The following CLEC3A variants were observed in gnomAD, a reference collection of about 807,000 sequenced individuals.
The protein encoded by CLEC3A is C-type (calcium dependent, carbohydrate-recognition domain) lectin, superfamily member 1 (cartilage-derived).
A neutral mutation model predicts 20.4 loss-of-function variants in CLEC3A; 28 were observed. That is an observed-to-expected ratio of 1.37 (90% CI 1.02 to 1.88). The LOEUF (loss-of-function observed/expected upper bound fraction) is 1.88, where lower values mean the gene tolerates loss of function less well. Ranked by LOEUF, CLEC3A falls within the 40% of genes most tolerant of loss-of-function variation. CLEC3A has a pLI of 0.00. For missense variants in CLEC3A, 357 were observed against 240.4 expected (o/e 1.48, Z -3.21); for synonymous variants, 110 against 88.1 (o/e 1.25, Z -1.39).
intron 2 of CLEC3A, among the ~76,000 whole-genome samples, chr16:78,028,589 A>G (rs991070943): frequency 9.9e-5 from 15 of 152,222 alleles, no homozygotes; most frequent in African/African-American, 3.6e-4. Context: ...ATGGGTTAGA[A>G]CCGCAGCTTG....
At chr16:78,030,114 C>T (rs1042609591) in intron 2 of CLEC3A, among the ~76,000 whole-genome samples, 15 of 138,300 alleles carry the variant, frequency 1.1e-4, no homozygotes, top group Admixed American at 4.0e-4. Flanking sequence ...GATGGCGCCA[C>T]TGCACTCCAG....
At chr16:78,024,779 A>T (rs1224539631) in intron 1 of CLEC3A, among the ~76,000 whole-genome samples, 1 of 152,168 alleles carries the variant, frequency 6.6e-6, no homozygotes, top group Non-Finnish European at 1.5e-5. Flanking sequence ...ATTATCCACT[A>T]TTAACTATCA....
rs1039993804 is a variant in CLEC3A, at chr16:78,031,704, C to T, written c.*863C>T. 7 of 152,032 alleles carry T rather than the reference C, an allele frequency of 4.6e-5. 1 individual carries two copies. The highest frequency in any genetic ancestry group is 4.1e-4 in the South Asian group (2 of 4,820). 9.4% of individuals were successfully genotyped at this position (152,032 alleles called of 1,614,324 possible). ...ACTTACATTTCCTTTTTTACATTTT[C>T]GTATACTTATTTTTTTTAGCCATCA... On this transcript the variant is annotated 3_prime_UTR_variant, in exon 3 of 3. Coordinates refer to ENST00000299642, the MANE Select transcript of CLEC3A (RefSeq NM_005752.6).
intron 1 of CLEC3A, among the ~76,000 whole-genome samples, chr16:78,026,251 T>A (rs2029919608): frequency 6.6e-6 from 1 of 152,182 alleles, no homozygotes; most frequent in African/African-American, 2.4e-5. Context: ...AACATCTGGC[T>A]TATGAAGCAC....
At chr16:78,028,016 T>C in intron 1 of CLEC3A, 91 bp from the exon 2 acceptor site, 2 of 883,400 alleles carry the variant, frequency 2.3e-6, no homozygotes, top group South Asian at 1.4e-5. Context: ...AAAACCACTA[T>C]TGCCTTGGGT....
rs756821725 is a variant in CLEC3A, at chr16:78,031,795, T to C, written c.*954T>C. ...GCTGAAAACTGAATTTAAAGAATGCTATCTTGGAAAATTGCATACGTCTGT... is the reference window on the plus strand; with the variant it reads ...GCTGAAAACTGAATTTAAAGAATGCCATCTTGGAAAATTGCATACGTCTGT... On this transcript the variant is annotated 3_prime_UTR_variant, in exon 3 of 3. Transcript: ENST00000299642. 6.6e-5 allele frequency: 10 copies of C among 152,174 alleles called. No homozygotes were observed. The highest frequency in any genetic ancestry group is 1.3e-4 in the Non-Finnish European group (9 of 68,038). 9.4% of individuals were successfully genotyped at this position (152,174 alleles called of 1,614,324 possible).
intron 2 of CLEC3A, chr16:78,029,159 G>T (rs908875734): frequency 6.6e-6 from 3 of 455,802 alleles, no homozygotes; most frequent in South Asian, 4.7e-5. Flanking sequence ...TAAGTAATTT[G>T]TTCAAGAGAT....
In CLEC3A at chr16:78,031,095, A is replaced by C; in HGVS notation, c.*254A>C. On this transcript the variant is annotated 3_prime_UTR_variant, in exon 3 of 3. Coordinates refer to ENST00000299642, the MANE Select transcript of CLEC3A (RefSeq NM_005752.6). ...AATGGCTTCTGCTAAACAGACTAAA[A>C]TCTTTCTCTCTAGTCTTTCTCACTT... is the stretch of plus-strand genomic sequence containing the variant. 1 of 370,082 alleles carries C rather than the reference A, an allele frequency of 2.7e-6. No homozygotes were observed. Among genetic ancestry groups the C allele is most frequent in the East Asian group, 4.7e-5 (1 of 21,262 alleles). 22.9% of individuals were successfully genotyped at this position (370,082 alleles called of 1,614,324 possible).
chr16:78,028,036 C>A, intron 1 of CLEC3A, 71 bp from the exon 2 acceptor site: 1 of 1,107,120 alleles, frequency 9.0e-7, no homozygotes, highest in African/African-American at 1.6e-5. Context: ...TCCTACATTC[C>A]AAAGCTTGAT....
rs114721096 is a variant in CLEC3A, at chr16:78,024,632, C to G, written c.115+1891C>G. On this transcript the variant is annotated intron_variant, in intron 1 of 2. Transcript: ENST00000299642. ...TTCTACAGTAGGTGAAGCAATAAACCTAAACCGATCAAGCAATTATATCCC... is the reference window on the plus strand; with the variant it reads ...TTCTACAGTAGGTGAAGCAATAAACGTAAACCGATCAAGCAATTATATCCC... 5.4e-3 allele frequency among the ~76,000 whole-genome samples: 825 copies of G among 152,184 alleles called. 2 individuals are homozygous for G. The highest frequency in any genetic ancestry group is 0.019 in the African/African-American group (809 of 41,526).
intron 1 of CLEC3A, among the ~76,000 whole-genome samples, chr16:78,027,481 C>G (rs1462584592): frequency 6.6e-6 from 1 of 152,150 alleles, no homozygotes; most frequent in East Asian, 1.9e-4. Context: ...TCAGATGACC[C>G]TGAAAGTCAA....
At chr16:78,028,946 A>G (rs77727907) in intron 2 of CLEC3A, 2 of 337,538 alleles carry the variant, frequency 5.9e-6, no homozygotes, top group Non-Finnish European at 1.2e-5. Context: ...AGGGTGACAT[A>G]CTCCCTTTAT....
rs775363688 is a variant in CLEC3A at position 78,031,300 on chromosome 16, G to A, written c.*459G>A. ...TAATCCAAAAACTTTTCAGCCTGTT[G>A]CTCATTCTGTCCCATGCTGGCAATA... On this transcript the variant is annotated 3_prime_UTR_variant, in exon 3 of 3. Coordinates refer to ENST00000299642, the MANE Select transcript of CLEC3A (RefSeq NM_005752.6). The A allele has an allele frequency of 1.3e-5, 2 of 154,572 alleles. No individual in the cohort carries two copies. Among genetic ancestry groups the A allele is most frequent in the African/African-American group, 4.8e-5 (2 of 41,446 alleles). The allele number at this position is 154,572 out of a possible 1,614,324, so 9.6% of individuals were successfully genotyped here.
intron 1 of CLEC3A, among the ~76,000 whole-genome samples, chr16:78,027,005 G>C (rs1025556422): frequency 6.6e-6 from 1 of 152,182 alleles, no homozygotes; most frequent in African/African-American, 2.4e-5. Flanking sequence ...ATTCTGCCAT[G>C]TATCTTTTGA....
chr16:78,022,955 A>C (rs1597150146), intron 1 of CLEC3A, among the ~76,000 whole-genome samples: 1 of 152,180 alleles, frequency 6.6e-6, no homozygotes, highest in East Asian at 1.9e-4. Flanking sequence ...AAAAAAAAAC[A>C]ACAGGGAAAA....
chr16:78,030,753 T>C lies in CLEC3A; in HGVS notation c.506T>C (p.Leu169Pro), dbSNP rs758401775. The C allele has an allele frequency of 1.3e-5, 21 of 1,614,176 alleles. No individual in the cohort carries two copies. The highest frequency in any genetic ancestry group is 1.8e-5 in the Non-Finnish European group (21 of 1,180,018). Residue 169 changes from leucine (L) to proline (P), a missense_variant, in exon 3 of 3, where the codon CTG (leucine) becomes CCG (proline). By Grantham distance (98) the Leu-to-Pro change is moderately conservative. Transcript: ENST00000299642. ...GGTGGCAAGCGAGAAAACTGTGTCC[T>C]GTTCTCCCAATCAGCTCAGGGCAAG... ...PNGGKRENCV[L>P]FSQSAQGKWS...
chr16:78,024,344 C>T lies in CLEC3A; in HGVS notation c.115+1603C>T, dbSNP rs1054649797. Among the ~76,000 whole-genome samples the T allele has an allele frequency of 2.0e-5, 3 of 151,996 alleles. No homozygotes were observed. In the South Asian group the frequency reaches 6.2e-4, roughly 32 times the overall value. On this transcript the variant is annotated intron_variant, in intron 1 of 2. Transcript: ENST00000299642. ...GCATGTGGGTGCTGTGTGGGTGTTT[C>T]TGAAGTAATCGCAGCTTAGGTCACA...
chr16:78,025,192 C>T (rs2018796479), intron 1 of CLEC3A, among the ~76,000 whole-genome samples: 1 of 152,140 alleles, frequency 6.6e-6, no homozygotes, highest in African/African-American at 2.4e-5. Flanking sequence ...TTTGGCTAGG[C>T]AAATAAATTT....
intron 1 of CLEC3A, 78 bp from the exon 2 acceptor site, chr16:78,028,029 T>C (rs2029975679): frequency 9.9e-7 from 1 of 1,006,124 alleles, no homozygotes; most frequent in South Asian, 1.4e-5. Context: ...CCTTGGGTCC[T>C]ACATTCCAAA....
Sources: allele counts gnomAD v4.1 joint callset (sites outside exome capture counted in the v4.1 genomes callset), GRCh38; gene constraint gnomAD v4.1.1; transcripts MANE v1.5; gene names NCBI Gene and HGNC (gene_info 2026-07-23, HGNC 2026-07-21).